RGS6: variants seen among roughly 807,000 people sequenced by gnomAD.
RGS6 encodes the protein regulator of G protein signaling 6.
RGS6 carries 30 observed loss-of-function variants against 78.5 expected under a neutral mutation model. That is an observed-to-expected ratio of 0.38 (90% CI 0.29 to 0.52). The LOEUF is 0.52. Ranked by LOEUF, RGS6 falls within the 20% of genes least tolerant of loss-of-function variation. The pLI is 0.85. For missense variants in RGS6, 495 were observed against 609.7 expected (o/e 0.81, Z 1.98); for synonymous variants, 206 against 206.0 (o/e 1.00, Z 0.00).
chr14:72,177,184 G>T lies in RGS6; in HGVS notation c.85-174911G>T, dbSNP rs573207151. ...TTTGTTTTTTTCAAATGAAACTGCC[G>T]TGAACATCTTGTGCATATCTTTTGG... On this transcript the variant is annotated intron_variant, in intron 2 of 17. Coordinates refer to ENST00000553525, the MANE Select transcript of RGS6 (RefSeq NM_001204424.2). 2.0e-5 allele frequency among the ~76,000 whole-genome samples: 3 copies of T among 151,908 alleles called. No homozygotes were observed. The South Asian group carries it at 6.2e-4, about 32-fold the overall frequency.
intron 2 of RGS6, among the ~76,000 whole-genome samples, chr14:72,155,575 G>C (rs552126323): frequency 2.0e-4 from 30 of 152,330 alleles, no homozygotes; most frequent in Middle Eastern, 6.8e-3. Flanking sequence ...CTGGGCTGTA[G>C]TGGAGGTTTA....
chr14:71,988,214 G>A (rs1029151106), intron 2 of RGS6, among the ~76,000 whole-genome samples: 33 of 152,122 alleles, frequency 2.2e-4, no homozygotes, highest in African/African-American at 8.0e-4. Flanking sequence ...GAGCGAGCAG[G>A]GGGTGAGCAT....
chr14:71,954,247 CCTTCTAATATTT>C (rs1485285304), intron 1 of RGS6, among the ~76,000 whole-genome samples: 2 of 149,864 alleles, frequency 1.3e-5, no homozygotes, highest in Non-Finnish European at 3.0e-5. Flanking sequence ...CGTCATTATT[CCTTCTAATATTT>C]CTTCTCCTTT....
chr14:72,576,911 C>G, the RGS6 span, among the ~76,000 whole-genome samples: 1 of 152,168 alleles, frequency 6.6e-6, no homozygotes, highest in African/African-American at 2.4e-5. Flanking sequence ...ATGCCTTGTG[C>G]CTTTCAGGTG....
At chr14:72,423,741 C>T (rs1000483526) in intron 3 of RGS6, among the ~76,000 whole-genome samples, 1 of 152,100 alleles carries the variant, frequency 6.6e-6, no homozygotes, top group East Asian at 1.9e-4. Context: ...ACTTGAGTGA[C>T]GGGATCATTT....
the RGS6 span, among the ~76,000 whole-genome samples, chr14:72,614,710 G>A: frequency 4.8e-5 from 7 of 146,688 alleles, no homozygotes; most frequent in African/African-American, 1.8e-4. Context: ...TTCAGAACTG[G>A]GCAGAGGTTT....
chr14:72,223,573 G>T (rs1350377604), intron 2 of RGS6, among the ~76,000 whole-genome samples: 1 of 152,246 alleles, frequency 6.6e-6, no homozygotes, highest in Admixed American at 6.5e-5. Flanking sequence ...AACTATTCAT[G>T]TAGATAAATC....
At chr14:72,512,725 T>C (rs2096893681) in intron 14 of RGS6, among the ~76,000 whole-genome samples, 1 of 152,244 alleles carries the variant, frequency 6.6e-6, no homozygotes, top group African/African-American at 2.4e-5. Context: ...GGATACATGG[T>C]GGGTGAGAGA....
At chr14:72,379,387 A>G (rs893653371) in intron 3 of RGS6, among the ~76,000 whole-genome samples, 4 of 152,140 alleles carry the variant, frequency 2.6e-5, no homozygotes, top group South Asian at 2.1e-4. Context: ...GAGGAAATCA[A>G]ATTGTCTCTG....
intron 2 of RGS6, among the ~76,000 whole-genome samples, chr14:72,015,085 C>G (rs2086665327): frequency 6.6e-6 from 1 of 152,128 alleles, no homozygotes; most frequent in African/African-American, 2.4e-5. Flanking sequence ...AAAAGAAGTT[C>G]ATTTGGTTCC....
At chr14:71,978,868 AT>A (rs1375500979) in intron 2 of RGS6, among the ~76,000 whole-genome samples, 1 of 149,548 alleles carries the variant, frequency 6.7e-6, no homozygotes, top group African/African-American at 2.4e-5. Flanking sequence ...CTCTGGTAGA[AT>A]TCCGCTGTGA....
At chr14:72,596,863 T>C in the RGS6 span, among the ~76,000 whole-genome samples, 1 of 152,200 alleles carries the variant, frequency 6.6e-6, no homozygotes, top group Non-Finnish European at 1.5e-5. Flanking sequence ...TGGTATTAGC[T>C]GTATGAACTG....
rs184704058 is a variant in RGS6, at chr14:72,182,364, C to T, written c.85-169731C>T. On this transcript the variant is annotated intron_variant, in intron 2 of 17. Transcript: ENST00000553525. Reference sequence around the variant, plus strand: ...CTGAGGCAGGAGAATCGCTTGAACCCGGGAGGCGGAGGTTGCTGTGAGTCG... The same window carrying T: ...CTGAGGCAGGAGAATCGCTTGAACCTGGGAGGCGGAGGTTGCTGTGAGTCG... Among the ~76,000 whole-genome samples, 429 of 146,786 alleles carry T rather than the reference C, an allele frequency of 2.9e-3. 2 individuals are homozygous for T. The highest frequency in any genetic ancestry group is 0.01 in the African/African-American group (409 of 39,386).
chr14:72,487,716 G>A (rs1232274374), intron 12 of RGS6, among the ~76,000 whole-genome samples: 1 of 152,170 alleles, frequency 6.6e-6, no homozygotes, highest in African/African-American at 2.4e-5. Context: ...GCCTCCAGAA[G>A]GAACATCGCC....
At chr14:72,502,433 T>C (rs574015866) in intron 13 of RGS6, among the ~76,000 whole-genome samples, 155 of 152,294 alleles carry the variant, frequency 1.0e-3, no homozygotes, top group African/African-American at 3.6e-3. Context: ...ATAAATGGCT[T>C]TTTTAAGCCC....
chr14:71,986,014 A>G (rs899573555), intron 2 of RGS6, among the ~76,000 whole-genome samples: 1 of 152,232 alleles, frequency 6.6e-6, no homozygotes. Flanking sequence ...TCTGCAGCCA[A>G]GTTTGAAGAA....
the RGS6 span, among the ~76,000 whole-genome samples, chr14:71,885,794 T>C: frequency 6.6e-6 from 1 of 152,202 alleles, no homozygotes; most frequent in African/African-American, 2.4e-5. Context: ...GAAGACCCTG[T>C]CCTTTGGCCT....
intron 2 of RGS6, among the ~76,000 whole-genome samples, chr14:72,145,490 G>A (rs1347035013): frequency 6.6e-6 from 1 of 152,106 alleles, no homozygotes; most frequent in African/African-American, 2.4e-5. Flanking sequence ...ATTTTGTAAA[G>A]GTGGTTTCAA....
chr14:72,140,566 T>C (rs891140935), intron 2 of RGS6, among the ~76,000 whole-genome samples: 3 of 152,176 alleles, frequency 2.0e-5, no homozygotes, highest in African/African-American at 4.8e-5. Context: ...CTGATTGTTA[T>C]AAGTGAAAAG....
Sources: gnomAD v4.1 joint callset for allele counts (sites outside exome capture counted in the v4.1 genomes callset) on GRCh38, gnomAD v4.1.1 for gene constraint, MANE v1.5 for transcripts, NCBI Gene and HGNC (gene_info 2026-07-23, HGNC 2026-07-21) for gene names.